SUPT3H: variants seen among roughly 807,000 people sequenced by gnomAD.
The protein encoded by SUPT3H is SPT3 homolog, SAGA and STAGA complex component.
In SUPT3H, 44 loss-of-function variants were observed where a neutral mutation model predicts 44.3. The observed-to-expected ratio is 0.99, with a 90% CI of 0.78 to 1.28. The LOEUF (loss-of-function observed/expected upper bound fraction) is 1.28. Among genes scored for constraint, SUPT3H ranks in the 50% most tolerant of loss-of-function variants. SUPT3H has a pLI of 0.00. For synonymous variants in SUPT3H, 124 were observed against 125.6 expected (o/e 0.99, Z 0.09); for missense variants, 380 against 387.1 (o/e 0.98, Z 0.15).
At chr6:45,032,809 C>T (rs749962710) in intron 3 of SUPT3H, among the ~76,000 whole-genome samples, 2 of 152,152 alleles carry the variant, frequency 1.3e-5, no homozygotes, top group Non-Finnish European at 2.9e-5. Flanking sequence ...TACCACTCAG[C>T]ACTCTTCTCT....
intron 2 of SUPT3H, among the ~76,000 whole-genome samples, chr6:45,184,775 G>GA (rs55652227): frequency 0.012 from 1,553 of 128,302 alleles, 55 homozygotes; most frequent in African/African-American, 0.023. Flanking sequence ...ACAGGCAGAG[G>GA]AAAAAAAAAA....
At chr6:45,289,183 C>T (rs1779902621) in intron 2 of SUPT3H, among the ~76,000 whole-genome samples, 1 of 151,882 alleles carries the variant, frequency 6.6e-6, no homozygotes, top group African/African-American at 2.4e-5. Context: ...AGTATTTTTT[C>T]AAATTATCAA....
intron 6 of SUPT3H, among the ~76,000 whole-genome samples, chr6:44,997,746 TA>T (rs1207531745): frequency 6.6e-6 from 1 of 151,920 alleles, no homozygotes; most frequent in Non-Finnish European, 1.5e-5. Context: ...TTAATATTTT[TA>T]AAACTATCAT....
chr6:45,167,161 G>C (rs1291448865), intron 2 of SUPT3H, among the ~76,000 whole-genome samples: 3 of 152,130 alleles, frequency 2.0e-5, no homozygotes, highest in African/African-American at 7.2e-5. Context: ...CCTCAAATGG[G>C]CTAAGGGCTT....
chr6:44,990,921 A>G (rs893493538), intron 6 of SUPT3H, among the ~76,000 whole-genome samples: 3 of 151,882 alleles, frequency 2.0e-5, no homozygotes, highest in Non-Finnish European at 4.4e-5. Flanking sequence ...TTTATGTAAT[A>G]CAAGTATTCT....
At chr6:45,293,359 G>T (rs1053105323) in intron 2 of SUPT3H, among the ~76,000 whole-genome samples, 4 of 152,096 alleles carry the variant, frequency 2.6e-5, no homozygotes, top group African/African-American at 9.7e-5. Context: ...AAAGCTCATA[G>T]CCCTAAACAC....
intron 3 of SUPT3H, among the ~76,000 whole-genome samples, chr6:45,043,173 A>ACACACG (rs1385423209): frequency 1.9e-3 from 283 of 145,968 alleles, no homozygotes; most frequent in Non-Finnish European, 1.7e-3. Context: ...ACACACACGC[A>ACACACG]CACACACAAA....
chr6:45,324,886 C>T (rs1318588626), intron 2 of SUPT3H, among the ~76,000 whole-genome samples: 1 of 151,874 alleles, frequency 6.6e-6, no homozygotes, highest in Non-Finnish European at 1.5e-5. Context: ...CAGTTGTGTA[C>T]ATAAACATAT....
intron 10 of SUPT3H, among the ~76,000 whole-genome samples, chr6:44,896,533 T>G (rs1764156235): frequency 6.6e-6 from 1 of 152,164 alleles, no homozygotes; most frequent in Non-Finnish European, 1.5e-5. Flanking sequence ...ATCAATAATC[T>G]GGTTAGTGAT....
chr6:44,856,200 A>G (rs1203928474), intron 10 of SUPT3H, among the ~76,000 whole-genome samples: 3 of 152,148 alleles, frequency 2.0e-5, no homozygotes, highest in Admixed American at 6.6e-5. Context: ...GAGTGAATGA[A>G]TAAGTGAAAA....
At chr6:44,960,362 G>T (rs1294419116) in intron 7 of SUPT3H, among the ~76,000 whole-genome samples, 2 of 148,460 alleles carry the variant, frequency 1.3e-5, no homozygotes, top group African/African-American at 5.0e-5. Flanking sequence ...GGAGGCTGCA[G>T]TGAGCCGAGA....
intron 2 of SUPT3H, among the ~76,000 whole-genome samples, chr6:45,362,453 A>C (rs957264171): frequency 6.6e-6 from 1 of 152,224 alleles, no homozygotes; most frequent in African/African-American, 2.4e-5. Flanking sequence ...ACATAGCAGA[A>C]TAAGTCCACA....
intron 10 of SUPT3H, among the ~76,000 whole-genome samples, chr6:44,913,231 C>T (rs563661659): frequency 1.3e-5 from 2 of 152,274 alleles, no homozygotes; most frequent in African/African-American, 4.8e-5. Flanking sequence ...CATTTCTTTG[C>T]ATTATTTTTT....
chr6:45,253,032 C>T (rs904377930), intron 2 of SUPT3H, among the ~76,000 whole-genome samples: 3 of 151,718 alleles, frequency 2.0e-5, no homozygotes, highest in Admixed American at 1.3e-4. Context: ...AAGTAGTTAC[C>T]TAGCATGACA....
intron 10 of SUPT3H, among the ~76,000 whole-genome samples, chr6:44,886,322 CACCAAAGTTGAAATGAA>C (rs1762285263): frequency 6.6e-6 from 1 of 151,980 alleles, no homozygotes; most frequent in Non-Finnish European, 1.5e-5. Context: ...TTGTCAGATT[CACCAAAGTTGAAATGAA>C]GGAAAAAATG....
chr6:45,171,176 T>C (rs1810705171), intron 2 of SUPT3H, among the ~76,000 whole-genome samples: 1 of 152,228 alleles, frequency 6.6e-6, no homozygotes, highest in African/African-American at 2.4e-5. Context: ...TCATTTTTTG[T>C]ATCTATATTA....
chr6:44,928,546 AG>A, intron 10 of SUPT3H, among the ~76,000 whole-genome samples: 1 of 152,232 alleles, frequency 6.6e-6, no homozygotes, highest in Non-Finnish European at 1.5e-5. Flanking sequence ...TTACTTAAGA[AG>A]GTAAGATACC....
intron 2 of SUPT3H, among the ~76,000 whole-genome samples, chr6:45,181,397 C>T (rs1037495456): frequency 1.3e-5 from 2 of 151,906 alleles, no homozygotes; most frequent in Non-Finnish European, 2.9e-5. Flanking sequence ...AATCATGCTG[C>T]TATAAAGACA....
At chr6:45,240,044 T>A (rs1240432243) in intron 2 of SUPT3H, among the ~76,000 whole-genome samples, 2 of 151,762 alleles carry the variant, frequency 1.3e-5, no homozygotes, top group Non-Finnish European at 2.9e-5. Context: ...TAACAAAAAG[T>A]TGGGAAATAG....
Sources: allele counts gnomAD v4.1 joint callset (sites outside exome capture counted in the v4.1 genomes callset), GRCh38; gene constraint gnomAD v4.1.1; transcripts MANE v1.5; gene names NCBI Gene and HGNC (gene_info 2026-07-23, HGNC 2026-07-21).